Variants in PPFIBP2 observed in about 807,000 individuals in gnomAD.
PPFIBP2 encodes PPFIB scaffold protein 2.
Under a neutral mutation model 118.3 loss-of-function variants are expected in PPFIBP2, and 118 were observed. That is an observed-to-expected ratio of 1.00 (90% confidence interval 0.86 to 1.16). The LOEUF is 1.16. PPFIBP2 is among the 50% of genes most tolerant of loss of function. The pLI, the probability that PPFIBP2 is intolerant of heterozygous loss-of-function variation, is 0.00. For synonymous variants in PPFIBP2, 414 were observed against 397.4 expected, an observed-to-expected ratio of 1.04 and a Z score of -0.50; for missense variants, 1,195 against 1,073.1, an observed-to-expected ratio of 1.11 and a Z score of -1.59.
chr11:7,565,820 C>A, intron 3 of PPFIBP2, 53 bp downstream of exon 3: 1 of 1,575,858 alleles, frequency 6.3e-7, no homozygotes, highest in Non-Finnish European at 8.7e-7. Context: ...AATGGTGCAG[C>A]CCATGGAGTG....
At chr11:7,635,834 CAG>C (rs1244977613) in intron 14 of PPFIBP2, among the ~76,000 whole-genome samples, 1 of 152,126 alleles carries the variant, frequency 6.6e-6, no homozygotes, top group Non-Finnish European at 1.5e-5. Context: ...TTTATAGGCT[CAG>C]AGAAATTAAT....
intron 3 of PPFIBP2, among the ~76,000 whole-genome samples, chr11:7,566,134 C>G (rs931990601): frequency 6.6e-6 from 1 of 152,082 alleles, no homozygotes; most frequent in Non-Finnish European, 1.5e-5. Flanking sequence ...TCCCACTACC[C>G]CTTGTTTCTT....
intron 10 of PPFIBP2, 41 bp downstream of exon 10, chr11:7,629,575 T>G: frequency 6.3e-7 from 1 of 1,593,778 alleles, no homozygotes; most frequent in Non-Finnish European, 8.6e-7. Flanking sequence ...CTGAAAGATA[T>G]TCCATCAGCT....
intron 1 of PPFIBP2, among the ~76,000 whole-genome samples, chr11:7,543,276 G>A (rs1348205071): frequency 1.3e-5 from 2 of 152,234 alleles, no homozygotes; most frequent in African/African-American, 2.4e-5. Flanking sequence ...GAGCAGCTAT[G>A]GCTTATGGGA....
chr11:7,649,000 A>G, intron 19 of PPFIBP2, 89 bp downstream of exon 19: 1 of 1,367,774 alleles, frequency 7.3e-7, no homozygotes, highest in Non-Finnish European at 1.0e-6. Context: ...CCTCAAGGAC[A>G]GCTGTCTCCT....
intron 6 of PPFIBP2, among the ~76,000 whole-genome samples, chr11:7,618,370 A>C (rs939145008): frequency 6.6e-6 from 1 of 152,194 alleles, no homozygotes; most frequent in Non-Finnish European, 1.5e-5. Context: ...ACATAGAAGG[A>C]AGAGGATGTT....
intron 3 of PPFIBP2, 47 bp downstream of exon 3, chr11:7,565,814 G>A (rs201914464): frequency 1.3e-6 from 2 of 1,594,958 alleles, no homozygotes; most frequent in Non-Finnish European, 8.6e-7. Flanking sequence ...GAATGTAATG[G>A]TGCAGCCCAT....
the PPFIBP2 span, among the ~76,000 whole-genome samples, chr11:7,664,549 C>G: frequency 1.3e-5 from 2 of 152,180 alleles, no homozygotes; most frequent in Non-Finnish European, 2.9e-5. Flanking sequence ...TGTCTTTGGA[C>G]TTTGTTATCT....
chr11:7,625,885 G>A lies in PPFIBP2; in HGVS notation c.820G>A (p.Glu274Lys). The change falls in exon 8 of 24, where the codon GAG becomes AAG. Residue 274 changes from glutamate (E) to lysine (K), a missense_variant. Transcript: ENST00000299492. ...TAALHSESHT[E>K]RDQEIQRLKM... Reference sequence around the variant, plus strand: ...AGCTCTCCACAGTGAGAGTCACACAGAGAGAGGTGACTAGCTTGACTCTGA... The same window carrying A: ...AGCTCTCCACAGTGAGAGTCACACAAAGAGAGGTGACTAGCTTGACTCTGA... 1 of 1,613,744 alleles carries A rather than the reference G, an allele frequency of 6.2e-7. No individual in the cohort carries two copies. The highest frequency in any genetic ancestry group is 8.5e-7 in the Non-Finnish European group (1 of 1,179,630).
chr11:7,665,447 G>T, the PPFIBP2 span: 17 of 1,613,664 alleles, frequency 1.1e-5, 1 homozygote, highest in South Asian at 1.9e-4. Flanking sequence ...CTGGATTAGT[G>T]GTGGCGGGCC....
intron 10 of PPFIBP2, 142 bp downstream of exon 10, chr11:7,629,676 T>A (rs755074070): frequency 7.0e-4 from 547 of 782,736 alleles, no homozygotes; most frequent in Middle Eastern, 1.1e-3. Context: ...TTTAGACTTT[T>A]CTGCATGATG....
chr11:7,560,418 C>T (rs1030824135), intron 2 of PPFIBP2, among the ~76,000 whole-genome samples: 1 of 151,940 alleles, frequency 6.6e-6, no homozygotes, highest in African/African-American at 2.4e-5. Context: ...TATATATATA[C>T]CATATACATA....
In PPFIBP2 at chr11:7,582,682, C is replaced by G. The variant is rs150664924; in HGVS notation, c.280-10450C>G. On this transcript the variant is annotated intron_variant, in intron 3 of 23. Transcript: ENST00000299492. ...TTCCATTAGTCTTCAACCTTATACT[C>G]CCCTTTCAACTGATGTCACTACCAA... 8.5e-5 allele frequency among the ~76,000 whole-genome samples: 13 copies of G among 152,090 alleles called. No homozygotes were observed. The East Asian group carries it at 1.9e-3, about 23-fold the overall frequency.
chr11:7,600,431 ATTC>A lies in PPFIBP2; in HGVS notation c.486+2760_486+2762del, dbSNP rs1861224739. On this transcript the variant is annotated intron_variant, in intron 5 of 23. Transcript: ENST00000299492. ...TATCTCTGGCTTGGAGTATGTGTGT[ATTC>A]TCTGAGCTAGGGACAGGCAAACACT... 2.6e-5 allele frequency among the ~76,000 whole-genome samples: 4 copies of A among 152,334 alleles called. No homozygotes were observed. In the South Asian group the frequency reaches 8.3e-4, roughly 32 times the overall value.
chr11:7,573,002 A>G (rs1349753101), intron 3 of PPFIBP2, among the ~76,000 whole-genome samples: 1 of 151,456 alleles, frequency 6.6e-6, no homozygotes. Flanking sequence ...CTGATCTTGA[A>G]CTCCTGACCT....
chr11:7,591,337 G>A (rs539625348), intron 3 of PPFIBP2, among the ~76,000 whole-genome samples: 2 of 151,816 alleles, frequency 1.3e-5, no homozygotes, highest in African/African-American at 4.8e-5. Context: ...GTGGACTTCG[G>A]CACTGGGGTT....
At position 7,580,170 on chromosome 11, in the gene PPFIBP2, C is replaced by T. The variant is rs1857052650; in HGVS notation, c.280-12962C>T. 2.0e-5 allele frequency among the ~76,000 whole-genome samples: 3 copies of T among 152,040 alleles called. No individual in the cohort carries two copies. In the South Asian group the frequency reaches 6.2e-4, roughly 32 times the overall value. On this transcript the variant is annotated intron_variant, in intron 3 of 23. Transcript: ENST00000299492. ...TTTCTTCCCTTTTCTGAGCTTTTAC[C>T]ACAGATGACCACCTCCTCTCTAACT...
intron 2 of PPFIBP2, 106 bp downstream of exon 2, chr11:7,549,645 TTTG>T: frequency 1.7e-6 from 2 of 1,151,064 alleles, no homozygotes; most frequent in Non-Finnish European, 2.4e-6. Flanking sequence ...AAAATCCCCT[TTTG>T]TTATATTTAT....
intron 14 of PPFIBP2, among the ~76,000 whole-genome samples, chr11:7,636,783 C>A (rs1851511991): frequency 6.6e-6 from 1 of 152,136 alleles, no homozygotes; most frequent in Admixed American, 6.5e-5. Context: ...TGGTTTTGGC[C>A]ATAATCACAA....
Sources: gnomAD v4.1 joint callset for allele counts (sites outside exome capture counted in the v4.1 genomes callset) on GRCh38, gnomAD v4.1.1 for gene constraint, MANE v1.5 for transcripts, NCBI Gene and HGNC (gene_info 2026-07-23, HGNC 2026-07-21) for gene names.